Variants in SUFU observed in about 807,000 individuals in gnomAD.
SUFU encodes suppressor of fused homolog.
A neutral mutation model predicts 58.9 loss-of-function variants in SUFU; 7 were observed. The observed-to-expected ratio is 0.12, with a 90% CI of 0.07 to 0.22. SUFU has a LOEUF of 0.22. SUFU is among the 10% of genes least tolerant of loss of function. The pLI is 1.00. For missense variants in SUFU, 451 were observed against 641.3 expected (o/e 0.70, Z 3.20); for synonymous variants, 232 against 254.8 (o/e 0.91, Z 0.85).
intron 10 of SUFU, among the ~76,000 whole-genome samples, chr10:102,621,920 T>G (rs1237026821): frequency 2.0e-5 from 3 of 152,230 alleles, no homozygotes; most frequent in African/African-American, 4.8e-5. Context: ...GCTGGGCCCC[T>G]GCCTGCAGTG....
rs1491421978 is a variant in SUFU, at chr10:102,519,154, AAG to A, written c.317+9853_317+9854del. 1.9e-4 allele frequency among the ~76,000 whole-genome samples: 29 copies of A among 149,896 alleles called. 1 individual carries two copies. The highest frequency in any genetic ancestry group is 6.8e-3 in the Middle Eastern group (2 of 292). On this transcript the variant is annotated intron_variant, in intron 2 of 11. Coordinates refer to ENST00000369902, the MANE Select transcript of SUFU (RefSeq NM_016169.4). ...CTCTGTCTCAAAAAAAAAAAAAAAA[AAG>A]AAAGAGTCCTTCAGGGCAATGGCAG...
chr10:102,627,978 C>T (rs10786700), intron 11 of SUFU, among the ~76,000 whole-genome samples: 23,525 of 152,206 alleles, frequency 0.15, 2,372 homozygotes, highest in East Asian at 0.41. Context: ...TTTCCTGGCC[C>T]CAGTGCCCCA....
chr10:102,528,867 T>A (rs577677834), intron 2 of SUFU, among the ~76,000 whole-genome samples: 2 of 152,124 alleles, frequency 1.3e-5, no homozygotes, highest in Admixed American at 1.3e-4. Flanking sequence ...AACCCAGAGT[T>A]GCAACTCAAA....
At chr10:102,510,444 G>A (rs1040046182) in intron 2 of SUFU, among the ~76,000 whole-genome samples, 10 of 150,370 alleles carry the variant, frequency 6.7e-5, no homozygotes, top group Non-Finnish European at 1.3e-4. Context: ...TCCTGACCTC[G>A]TGATCTGCCT....
intron 3 of SUFU, among the ~76,000 whole-genome samples, chr10:102,582,981 C>T (rs2063299077): frequency 6.6e-6 from 1 of 152,194 alleles, no homozygotes; most frequent in South Asian, 2.1e-4. Flanking sequence ...GCTCCTGTAA[C>T]CGCTGGACTG....
intron 7 of SUFU, among the ~76,000 whole-genome samples, chr10:102,597,978 T>C (rs1055092072): frequency 7.2e-5 from 11 of 152,360 alleles, no homozygotes; most frequent in African/African-American, 2.6e-4. Flanking sequence ...TACATATACA[T>C]GTGTTGACAG....
chr10:102,552,972 G>A (rs2062933905), intron 3 of SUFU, among the ~76,000 whole-genome samples: 1 of 152,140 alleles, frequency 6.6e-6, no homozygotes, highest in Non-Finnish European at 1.5e-5. Flanking sequence ...AGTATACATT[G>A]ACTAATATGT....
chr10:102,619,298 C>T lies in SUFU; in HGVS notation c.1296+1870C>T. On this transcript the variant is annotated intron_variant, in intron 10 of 11. Coordinates refer to ENST00000369902, the MANE Select transcript of SUFU (RefSeq NM_016169.4). The surrounding 1 kb of genome is among the most constrained non-coding windows in gnomAD (Gnocchi z 4.2). ...TTCCCACTCCCAGTGCCACAACCCC[C>T]TCACCTCCCTGGCAGCCCCTCAGCG... 6.9e-7 allele frequency: 1 copy of T among 1,443,206 alleles called. No homozygotes were observed. The highest frequency in any genetic ancestry group is 9.1e-7 in the Non-Finnish European group (1 of 1,101,414). 89.4% of individuals were successfully genotyped at this position (1,443,206 alleles called of 1,614,324 possible). A position where few individuals can be genotyped will look rare whatever the true frequency, so the allele number is the denominator to read the frequency against.
At chr10:102,566,063 T>C (rs1366459195) in intron 3 of SUFU, among the ~76,000 whole-genome samples, 1 of 152,194 alleles carries the variant, frequency 6.6e-6, no homozygotes, top group Non-Finnish European at 1.5e-5. Flanking sequence ...ACAGTAGAAC[T>C]AGCATCTCTG....
chr10:102,519,453 C>A (rs1298213358), intron 2 of SUFU, among the ~76,000 whole-genome samples: 1 of 148,866 alleles, frequency 6.7e-6, no homozygotes, highest in Non-Finnish European at 1.5e-5. Flanking sequence ...CTTGAACCCA[C>A]GAGGCAGAGG....
chr10:102,619,165 C>T lies in SUFU; in HGVS notation c.1296+1737C>T. On this transcript the variant is annotated intron_variant, in intron 10 of 11. Transcript: ENST00000369902. This position sits in a 1 kb window ranked among gnomAD's most constrained non-coding sequence, Gnocchi z 4.2. ...TCTCCAATTTTCAGCAGCTCAAGAA[C>T]CTTGGCCCCCACAGGACTTCGCAGA... 1 of 1,610,786 alleles carries T rather than the reference C, an allele frequency of 6.2e-7. No individual in the cohort carries two copies. The highest frequency in any genetic ancestry group is 1.3e-5 in the African/African-American group (1 of 74,980).
upstream of SUFU, among the ~76,000 whole-genome samples, chr10:102,503,334 GATTGGCAATTGGAACT>G (rs1419588528): frequency 6.6e-6 from 1 of 152,166 alleles, no homozygotes; most frequent in Admixed American, 6.5e-5. Flanking sequence ...TTGATCCGAA[GATTGGCAATTGGAACT>G]ACTGGTATAG....
At chr10:102,590,038 TA>T (rs2063379058) in intron 3 of SUFU, among the ~76,000 whole-genome samples, 1 of 152,100 alleles carries the variant, frequency 6.6e-6, no homozygotes, top group South Asian at 2.1e-4. Context: ...TAGTAATTTT[TA>T]TAATCTGTAT....
At chr10:102,548,111 G>A (rs1407258430) in intron 2 of SUFU, among the ~76,000 whole-genome samples, 1 of 152,106 alleles carries the variant, frequency 6.6e-6, no homozygotes, top group African/African-American at 2.4e-5. Flanking sequence ...TGAAGATCAC[G>A]CCACTGCACT....
chr10:102,548,777 GGACTTCCCTGA>G (rs757862222), intron 2 of SUFU, among the ~76,000 whole-genome samples: 234 of 152,214 alleles, frequency 1.5e-3, no homozygotes, highest in Middle Eastern at 3.4e-3. Flanking sequence ...TCCCTTTCAG[GGACTTCCCTGA>G]GACTTGGGGC....
chr10:102,549,702 C>T (rs2062891444), intron 2 of SUFU, among the ~76,000 whole-genome samples: 1 of 152,204 alleles, frequency 6.6e-6, no homozygotes, highest in African/African-American at 2.4e-5. Flanking sequence ...AAATTTGGAA[C>T]TCATAATTCA....
At position 102,630,330 on chromosome 10, in the gene SUFU, T is replaced by G; in HGVS notation, c.*175T>G. ...ATGCACAGGCCACAGGCCCTCCACC[T>G]CACCTCCAGCTCAGGGGCCGCACCC... is the stretch of plus-strand genomic sequence containing the variant. On this transcript the variant is annotated 3_prime_UTR_variant, in exon 12 of 12. Coordinates refer to ENST00000369902, the MANE Select transcript of SUFU (RefSeq NM_016169.4). The G allele has an allele frequency of 1.5e-6, 1 of 653,900 alleles. No individual in the cohort carries two copies. The allele number at this position is 653,900 out of a possible 1,614,324, so 40.5% of individuals were successfully genotyped here.
Position 102,576,507 on chromosome 10 carries a change from G to A in SUFU, c.455-16075G>A, listed in dbSNP as rs371350554. On this transcript the variant is annotated intron_variant, in intron 3 of 11. Transcript: ENST00000369902. Reference sequence around the variant, plus strand: ...CCTGGTGATGCACCTTTAGGTTGTTGCCATTTTTGCAGTATTACAAACAGT... The same window carrying A: ...CCTGGTGATGCACCTTTAGGTTGTTACCATTTTTGCAGTATTACAAACAGT... Among the ~76,000 whole-genome samples the A allele has an allele frequency of 3.8e-4, 58 of 152,108 alleles. 1 individual carries two copies. Among genetic ancestry groups the A allele is most frequent in the East Asian group, 2.9e-3 (15 of 5,180 alleles).
chr10:102,605,145 C>T (rs1204035901), intron 8 of SUFU, among the ~76,000 whole-genome samples: 1 of 151,896 alleles, frequency 6.6e-6, no homozygotes, highest in East Asian at 2.0e-4. Flanking sequence ...TCTCGAACTC[C>T]TGACCTTATG....
Sources: gnomAD v4.1 joint callset for allele counts (sites outside exome capture counted in the v4.1 genomes callset) on GRCh38, gnomAD v4.1.1 for gene constraint, Gnocchi (gnomAD v3.1) non-coding constraint, MANE v1.5 for transcripts, NCBI Gene and HGNC (gene_info 2026-07-23, HGNC 2026-07-21) for gene names.